The following XPO7 variants were observed in gnomAD, a reference collection of about 807,000 sequenced individuals.
XPO7 encodes exportin-7.
XPO7 carries 21 observed loss-of-function variants against 144.3 expected under a neutral mutation model. That is an observed-to-expected ratio of 0.15 (90% CI 0.10 to 0.21). The LOEUF is 0.21. Ranked by LOEUF, XPO7 falls within the 10% of genes least tolerant of loss-of-function variation. The pLI, the probability that XPO7 is intolerant of heterozygous loss-of-function variation, is 1.00. For missense variants in XPO7, 808 were observed against 1,325.8 expected, an observed-to-expected ratio of 0.61 and a Z score of 6.06; for synonymous variants, 580 against 499.6, an observed-to-expected ratio of 1.16 and a Z score of -2.15.
chr8:21,926,334 A>C (rs1810457418), intron 1 of XPO7, among the ~76,000 whole-genome samples: 1 of 152,200 alleles, frequency 6.6e-6, no homozygotes, highest in African/African-American at 2.4e-5. Context: ...TTGCATGATA[A>C]GAAATTATGA....
intron 1 of XPO7, among the ~76,000 whole-genome samples, chr8:21,954,822 A>G (rs1299914215): frequency 1.3e-5 from 2 of 152,162 alleles, no homozygotes; most frequent in East Asian, 3.8e-4. Flanking sequence ...GTAGGTTATC[A>G]CTTTCTGAAC....
intron 20 of XPO7, among the ~76,000 whole-genome samples, chr8:21,995,064 AAAT>A (rs150929948): frequency 1.7e-4 from 25 of 150,440 alleles, no homozygotes; most frequent in African/African-American, 2.5e-4. Context: ...AAAAAAAAAT[AAAT>A]AATAATAATA....
At chr8:21,961,551 T>C (rs1811726299) in intron 1 of XPO7, among the ~76,000 whole-genome samples, 1 of 152,138 alleles carries the variant, frequency 6.6e-6, no homozygotes, top group African/African-American at 2.4e-5. Context: ...AGTTTTCCAA[T>C]GTATTTGAAT....
chr8:21,921,681 C>A (rs992175889), intron 1 of XPO7: 7 of 152,130 alleles, frequency 4.6e-5, no homozygotes, highest in African/African-American at 1.7e-4. Context: ...CAAAAATCTA[C>A]GGAAGTAAGA....
chr8:21,939,325 G>A (rs749616414), intron 1 of XPO7, among the ~76,000 whole-genome samples: 2 of 151,644 alleles, frequency 1.3e-5, no homozygotes, highest in African/African-American at 4.8e-5. Flanking sequence ...AGGTTAAAGC[G>A]ATTCTGCTGC....
intron 26 of XPO7, 42 bp from the exon 27 acceptor site, chr8:22,003,861 C>T (rs1813235251): frequency 1.2e-6 from 2 of 1,612,328 alleles, no homozygotes; most frequent in Non-Finnish European, 1.7e-6. Flanking sequence ...AATCTGCCTT[C>T]CCCTGCTTCT....
intron 13 of XPO7, among the ~76,000 whole-genome samples, chr8:21,986,109 T>A (rs1812569863): frequency 6.6e-6 from 1 of 151,820 alleles, no homozygotes; most frequent in Non-Finnish European, 1.5e-5. Context: ...TTATTTTTCA[T>A]CTGTGCAATT....
intron 1 of XPO7, among the ~76,000 whole-genome samples, chr8:21,928,053 C>T (rs926719444): frequency 3.3e-5 from 5 of 152,204 alleles, no homozygotes; most frequent in East Asian, 1.9e-4. Flanking sequence ...CCTGTGACTC[C>T]GGGATCAAAA....
chr8:21,928,825 C>T lies in XPO7; in HGVS notation c.18+9037C>T, dbSNP rs552742495. 8.5e-5 allele frequency among the ~76,000 whole-genome samples: 13 copies of T among 152,292 alleles called. No individual in the cohort carries two copies. The South Asian group carries it at 1.2e-3, about 15-fold the overall frequency. On this transcript the variant is annotated intron_variant, in intron 1 of 27. Coordinates refer to ENST00000252512, the MANE Select transcript of XPO7 (RefSeq NM_015024.5). ...TATATGAAATTCTGATTTCACTGTTCGTAAATAAGTTTTATTGGAACATGC... is the reference window on the plus strand; with the variant it reads ...TATATGAAATTCTGATTTCACTGTTTGTAAATAAGTTTTATTGGAACATGC...
chr8:21,948,509 A>G (rs968492366), intron 1 of XPO7, among the ~76,000 whole-genome samples: 4 of 152,244 alleles, frequency 2.6e-5, no homozygotes, highest in South Asian at 2.1e-4. Context: ...GCCTAAGGCT[A>G]TATTTCTCAG....
intron 15 of XPO7, 31 bp from the exon 16 acceptor site, chr8:21,988,972 T>G: frequency 1.9e-6 from 3 of 1,604,168 alleles, no homozygotes; most frequent in Non-Finnish European, 2.6e-6. Flanking sequence ...CAAAAGGGTC[T>G]CCTGCTTTTT....
intron 15 of XPO7, 75 bp from the exon 16 acceptor site, chr8:21,988,925 TTTC>T (rs1273016238): frequency 4.4e-6 from 6 of 1,369,470 alleles, no homozygotes; most frequent in African/African-American, 2.9e-5. Flanking sequence ...GATGAATGAC[TTTC>T]TTCTTCTCCC....
In XPO7 at chr8:22,004,874, T is replaced by G. The variant is rs529336957; in HGVS notation, c.3171-121T>G. 1.4e-4 allele frequency: 81 copies of G among 599,220 alleles called. No homozygotes were observed. In the Admixed American group the frequency reaches 2.5e-3, roughly 18 times the overall value. The allele number at this position is 599,220 out of a possible 1,614,324, so 37.1% of individuals were successfully genotyped here. On this transcript the variant is annotated intron_variant, in intron 27 of 27. Coordinates refer to ENST00000252512, the MANE Select transcript of XPO7 (RefSeq NM_015024.5). ...GTCTTAAGACTGAAATTAACTGATC[T>G]TTGAAACAGAACCCATCAATTCATA...
At chr8:21,976,586 T>A (rs1812231629) in intron 7 of XPO7, 65 bp downstream of exon 7, 1 of 1,482,940 alleles carries the variant, frequency 6.7e-7, no homozygotes, top group Non-Finnish European at 9.0e-7. Flanking sequence ...TGTAGAATGA[T>A]CTAAAGAACT....
At position 21,966,998 on chromosome 8, in the gene XPO7, G is replaced by A; in HGVS notation, c.160G>A (p.Gly54Arg). Residue 54 changes from glycine to arginine, a missense_variant, in exon 2 of 28, where the codon GGA (glycine) becomes AGA (arginine). Physicochemically the swap from Gly to Arg is moderately radical, Grantham distance 125 (BLOSUM62 -2). Coordinates refer to ENST00000252512, the MANE Select transcript of XPO7 (RefSeq NM_015024.5). ...CAAGTGCCAGCTACTCCTCGAAAGA[G>A]GAAGTGTGCGTAAGATCTGAAAATC... ...LSKCQLLLERGSSSYSQLLAA... is the reference protein window; with the variant it reads ...LSKCQLLLERRSSSYSQLLAA... 1 of 1,612,836 alleles carries A rather than the reference G, an allele frequency of 6.2e-7. No individual in the cohort carries two copies. The highest frequency in any genetic ancestry group is 8.5e-7 in the Non-Finnish European group (1 of 1,179,344).
In XPO7 at chr8:22,003,325, A is replaced by C. The variant is rs1394007503; in HGVS notation, c.3042+8A>C. ...ATATTGCTTAATGAAAAGGTGAGAG[A>C]GCCAGCTCCCTGGTGCCAACCCAGA... On this transcript the variant is annotated splice_region_variant and intron_variant, in intron 26 of 27. Coordinates refer to ENST00000252512, the MANE Select transcript of XPO7 (RefSeq NM_015024.5). 2 of 1,602,914 alleles carry C rather than the reference A, an allele frequency of 1.2e-6. No individual in the cohort carries two copies. Among genetic ancestry groups the C allele is most frequent in the Non-Finnish European group, 1.7e-6 (2 of 1,174,508 alleles).
intron 1 of XPO7, among the ~76,000 whole-genome samples, chr8:21,951,237 A>AC (rs1048742237): frequency 9.9e-5 from 15 of 151,760 alleles, no homozygotes; most frequent in African/African-American, 3.6e-4. Context: ...ACATAGGTAG[A>AC]TATGCTCACC....
chr8:21,944,778 C>A (rs890959644), intron 1 of XPO7, among the ~76,000 whole-genome samples: 2 of 151,988 alleles, frequency 1.3e-5, no homozygotes, highest in Admixed American at 1.3e-4. Context: ...TTTGTGTCTC[C>A]GGGTACTTGA....
intron 9 of XPO7, among the ~76,000 whole-genome samples, chr8:21,980,668 G>A (rs545780271): frequency 1.6e-4 from 25 of 151,946 alleles, no homozygotes; most frequent in African/African-American, 5.5e-4. Flanking sequence ...CCAGCTACTC[G>A]GGAGGCTGAG....
Sources: gnomAD v4.1 joint callset for allele counts (sites outside exome capture counted in the v4.1 genomes callset) on GRCh38, gnomAD v4.1.1 for gene constraint, MANE v1.5 for transcripts, NCBI Gene and HGNC (gene_info 2026-07-23, HGNC 2026-07-21) for gene names.